The following NRG3 variants were observed in gnomAD, a reference collection of about 807,000 sequenced individuals.
The protein encoded by NRG3 is neuregulin 3, also known as pro-neuregulin-3, membrane-bound isoform.
A neutral mutation model predicts 66.9 loss-of-function variants in NRG3; 31 were observed. That is an observed-to-expected ratio of 0.46 (90% CI 0.35 to 0.63). The LOEUF is 0.63. Among genes scored for constraint, NRG3 ranks in the 20% least tolerant of loss-of-function variants. The probability of loss-of-function intolerance (pLI) is 0.00; values close to 1 mark genes in which losing one functional copy is unlikely to be tolerated. For synonymous variants in NRG3, 393 were observed against 359.4 expected, an observed-to-expected ratio of 1.09 and a Z score of -1.06; for missense variants, 910 against 878.9, an observed-to-expected ratio of 1.04 and a Z score of -0.45.
At chr10:81,913,828 C>A (rs1170867778) in intron 1 of NRG3, among the ~76,000 whole-genome samples, 1 of 152,068 alleles carries the variant, frequency 6.6e-6, no homozygotes, top group Non-Finnish European at 1.5e-5. Context: ...GGAGATCACA[C>A]TTTTACTCCA....
At position 82,957,893 on chromosome 10, in the gene NRG3, C is replaced by CGTGTGT. The variant is rs10547101; in HGVS notation, c.1158-1032_1158-1027dup. Among the ~76,000 whole-genome samples, 865 of 149,546 alleles carry CGTGTGT rather than the reference C, an allele frequency of 5.8e-3. 4 individuals carry two copies. The highest frequency in any genetic ancestry group is 0.016 in the South Asian group (76 of 4,712). ...TAGGTCAACACTGCAAAGAGGTGTG[C>CGTGTGT]GTGTGTGTGTGTGTGTGTGTGTGTG... On this transcript the variant is annotated intron_variant, in intron 5 of 8. Coordinates refer to ENST00000372141, the MANE Select transcript of NRG3 (RefSeq NM_001010848.4).
chr10:82,777,095 G>C (rs2059939115), intron 3 of NRG3, among the ~76,000 whole-genome samples: 1 of 152,072 alleles, frequency 6.6e-6, no homozygotes, highest in Non-Finnish European at 1.5e-5. Context: ...TTTGCAGATG[G>C]GTCTTAGGGT....
rs1274823454 is a variant in NRG3, at chr10:82,897,237, C to A, written c.1054+31800C>A. Among the ~76,000 whole-genome samples, 2 of 152,182 alleles carry A rather than the reference C, an allele frequency of 1.3e-5. 1 individual carries two copies. The highest frequency in any genetic ancestry group is 4.1e-4 in the South Asian group (2 of 4,832). On this transcript the variant is annotated intron_variant, in intron 4 of 8. Coordinates refer to ENST00000372141, the MANE Select transcript of NRG3 (RefSeq NM_001010848.4). ...AATTTCAAAATAGTCTTGGATTAAA[C>A]ACCTTTTGAGAAAAAAATAGACGTT...
intron 1 of NRG3, among the ~76,000 whole-genome samples, chr10:81,937,692 C>T (rs1186751322): frequency 6.6e-6 from 1 of 151,976 alleles, no homozygotes; most frequent in Non-Finnish European, 1.5e-5. Flanking sequence ...TTCTCTCATC[C>T]TCTAGGTTGC....
At chr10:81,883,169 T>C (rs750516861) in intron 1 of NRG3, among the ~76,000 whole-genome samples, 21 of 152,194 alleles carry the variant, frequency 1.4e-4, no homozygotes, top group Non-Finnish European at 2.9e-4. Context: ...TAGCAGTTAC[T>C]GTGAATTAGA....
At chr10:82,509,307 T>C (rs1265976539) in intron 2 of NRG3, among the ~76,000 whole-genome samples, 1 of 152,232 alleles carries the variant, frequency 6.6e-6, no homozygotes, top group Non-Finnish European at 1.5e-5. Context: ...GGGTTTGTTA[T>C]ACAGATTGTT....
chr10:82,870,994 C>CA (rs1357953021), intron 4 of NRG3, among the ~76,000 whole-genome samples: 4 of 152,090 alleles, frequency 2.6e-5, no homozygotes, highest in Admixed American at 2.6e-4. Flanking sequence ...AAGGGATTGC[C>CA]AAATCTAGTT....
chr10:82,103,309 A>T (rs1322755010), intron 1 of NRG3, among the ~76,000 whole-genome samples: 1 of 152,142 alleles, frequency 6.6e-6, no homozygotes, highest in Non-Finnish European at 1.5e-5. Context: ...TTCTTTGTAT[A>T]GAATTGGTAG....
At chr10:82,332,922 T>A (rs934202980) in intron 1 of NRG3, among the ~76,000 whole-genome samples, 6 of 152,176 alleles carry the variant, frequency 3.9e-5, no homozygotes. Flanking sequence ...CATTTATATT[T>A]GGTGCAATAT....
At chr10:82,419,628 C>G (rs2088910665) in intron 2 of NRG3, among the ~76,000 whole-genome samples, 1 of 152,058 alleles carries the variant, frequency 6.6e-6, no homozygotes, top group Admixed American at 6.6e-5. Flanking sequence ...GTTCTTAAAA[C>G]AGTGCAAGCC....
chr10:82,772,704 C>CTTT lies in NRG3; in HGVS notation c.1027+34073_1027+34075dup, dbSNP rs745609399. Among the ~76,000 whole-genome samples the CTTT allele has an allele frequency of 4.9e-3, 542 of 111,678 alleles. 14 individuals carry two copies. Among genetic ancestry groups the CTTT allele is most frequent in the Middle Eastern group, 0.018 (3 of 168 alleles). The allele number at this position is 111,678 out of a possible 152,430, so 73.3% of individuals were successfully genotyped here. On this transcript the variant is annotated intron_variant, in intron 3 of 8. Transcript: ENST00000372141. ...CATGGTTTCCAGTTTGCTTCCATAT[C>CTTT]TTTTTTTTTTTTTTTTTTTTTGAGA...
intron 1 of NRG3, among the ~76,000 whole-genome samples, chr10:81,975,987 CAG>C (rs1465606435): frequency 6.6e-6 from 1 of 152,088 alleles, no homozygotes; most frequent in African/African-American, 2.4e-5. Context: ...GACAAGGAAA[CAG>C]AATCTTTTCT....
At chr10:81,978,386 A>T (rs1449618424) in intron 1 of NRG3, among the ~76,000 whole-genome samples, 1 of 152,222 alleles carries the variant, frequency 6.6e-6, no homozygotes, top group Non-Finnish European at 1.5e-5. Context: ...TGAGAAGCAC[A>T]TCGAAGAGCC....
chr10:81,946,182 A>C (rs1335939792), intron 1 of NRG3, among the ~76,000 whole-genome samples: 1 of 152,042 alleles, frequency 6.6e-6, no homozygotes, highest in Non-Finnish European at 1.5e-5. Flanking sequence ...ACGCCCAGCT[A>C]AATTTTGTAC....
chr10:82,063,595 G>A (rs1346855674), intron 1 of NRG3, among the ~76,000 whole-genome samples: 3 of 150,180 alleles, frequency 2.0e-5, no homozygotes, highest in Non-Finnish European at 4.4e-5. Context: ...CTTGTGTCTT[G>A]GTATAGCATT....
At chr10:82,849,208 G>A (rs1204432488) in intron 3 of NRG3, among the ~76,000 whole-genome samples, 1 of 152,142 alleles carries the variant, frequency 6.6e-6, no homozygotes, top group Admixed American at 6.6e-5. Flanking sequence ...GGGAGAGATT[G>A]GGGCAATGCT....
intron 1 of NRG3, among the ~76,000 whole-genome samples, chr10:82,099,639 T>G (rs955639461): frequency 7.2e-5 from 11 of 151,998 alleles, no homozygotes; most frequent in African/African-American, 2.7e-4. Context: ...TTGTGTAGAC[T>G]CTATTGATCA....
intron 3 of NRG3, among the ~76,000 whole-genome samples, chr10:82,787,111 A>G (rs1038958943): frequency 3.3e-5 from 5 of 152,168 alleles, no homozygotes; most frequent in African/African-American, 4.8e-5. Context: ...ACACACACCT[A>G]TGACCTATGT....
chr10:82,273,314 C>T (rs544037366), intron 1 of NRG3, among the ~76,000 whole-genome samples: 21 of 151,902 alleles, frequency 1.4e-4, no homozygotes, highest in Non-Finnish European at 2.6e-4. Flanking sequence ...TCTGTAGAGT[C>T]GACAACTGTG....
Sources: gnomAD v4.1 joint callset for allele counts (sites outside exome capture counted in the v4.1 genomes callset) on GRCh38, gnomAD v4.1.1 for gene constraint, MANE v1.5 for transcripts, NCBI Gene and HGNC (gene_info 2026-07-23, HGNC 2026-07-21) for gene names.